MYO3B: variants seen among roughly 807,000 people sequenced by gnomAD.
The protein encoded by MYO3B is myosin-IIIb.
Under a neutral mutation model 174.6 loss-of-function variants are expected in MYO3B, and 156 were observed. That is an observed-to-expected ratio of 0.89 (90% confidence interval 0.78 to 1.02). MYO3B has a LOEUF of 1.02. Ranked by LOEUF, MYO3B falls within the 50% of genes least tolerant of loss-of-function variation. The probability of loss-of-function intolerance (pLI) is 0.00; values close to 1 mark genes in which losing one functional copy is unlikely to be tolerated. For synonymous variants in MYO3B, 563 were observed against 569.1 expected (o/e 0.99, Z 0.15); for missense variants, 1,632 against 1,639.4 (o/e 1.00, Z 0.08).
chr2:170,280,835 G>C (rs2093503032), intron 7 of MYO3B, among the ~76,000 whole-genome samples: 1 of 152,162 alleles, frequency 6.6e-6, no homozygotes, highest in South Asian at 2.1e-4. Context: ...ATTGGTCTGT[G>C]TACCTGTTTT....
intron 4 of MYO3B, 106 bp downstream of exon 4, chr2:170,214,589 A>G: frequency 1.5e-6 from 2 of 1,330,938 alleles, no homozygotes; most frequent in Non-Finnish European, 2.1e-6. Context: ...ATGATATGCA[A>G]GGATTACTAA....
At chr2:170,459,523 C>T (rs1372603428) in intron 23 of MYO3B, among the ~76,000 whole-genome samples, 1 of 152,178 alleles carries the variant, frequency 6.6e-6, no homozygotes, top group Non-Finnish European at 1.5e-5. Flanking sequence ...TTTAACTAGA[C>T]ATAGAAGTTC....
At chr2:170,438,063 C>A (rs1284165082) in intron 22 of MYO3B, among the ~76,000 whole-genome samples, 2 of 152,068 alleles carry the variant, frequency 1.3e-5, no homozygotes, top group Non-Finnish European at 2.9e-5. Flanking sequence ...AACTCAATAC[C>A]CACTGAATAG....
intron 7 of MYO3B, among the ~76,000 whole-genome samples, chr2:170,244,925 A>C (rs568136433): frequency 6.6e-6 from 1 of 152,312 alleles, no homozygotes; most frequent in East Asian, 1.9e-4. Flanking sequence ...TAGCGATGGA[A>C]TCACAGCCCG....
At chr2:170,417,619 G>A (rs1031863629) in intron 22 of MYO3B, among the ~76,000 whole-genome samples, 4 of 152,156 alleles carry the variant, frequency 2.6e-5, no homozygotes, top group South Asian at 2.1e-4. Context: ...CTGAGGGAGC[G>A]TTTGTTCCAG....
intron 7 of MYO3B, among the ~76,000 whole-genome samples, chr2:170,305,386 T>C (rs1430431969): frequency 1.3e-5 from 2 of 152,138 alleles, no homozygotes; most frequent in African/African-American, 2.4e-5. Flanking sequence ...GTCCTCATTT[T>C]CCCCCCAAAA....
At chr2:170,612,047 C>T (rs2105295319) in intron 32 of MYO3B, among the ~76,000 whole-genome samples, 1 of 152,298 alleles carries the variant, frequency 6.6e-6, no homozygotes, top group African/African-American at 2.4e-5. Flanking sequence ...CAGTGGACTG[C>T]CTGGCCACAC....
At chr2:170,417,663 A>T (rs769173428) in intron 22 of MYO3B, among the ~76,000 whole-genome samples, 1 of 152,100 alleles carries the variant, frequency 6.6e-6, no homozygotes, top group Non-Finnish European at 1.5e-5. Context: ...TTTTCTGGCA[A>T]TCGTTGGTGT....
chr2:170,338,055 A>G (rs1319668586), intron 8 of MYO3B: 2 of 152,278 alleles, frequency 1.3e-5, no homozygotes, highest in East Asian at 3.9e-4. Flanking sequence ...CCTCCCTAAG[A>G]TAGTTCCTTA....
chr2:170,271,920 T>TCTACATTTCTACTTAC (rs2093427659), intron 7 of MYO3B, among the ~76,000 whole-genome samples: 1 of 152,130 alleles, frequency 6.6e-6, no homozygotes, highest in Non-Finnish European at 1.5e-5. Context: ...AGTGGCCTAT[T>TCTACATTTCTACTTAC]TGTATTCAGG....
In MYO3B at chr2:170,402,965, T is replaced by C. The variant is rs2094487621; in HGVS notation, c.2247T>C (p.Tyr749=). The change falls in exon 19 of 35, where the codon TAT becomes TAC. Residue 749 remains tyrosine (Y), a synonymous_variant. Coordinates refer to ENST00000408978, the MANE Select transcript of MYO3B (RefSeq NM_138995.5). Reference sequence around the variant, plus strand: ...TCGCCAATGAGCAAATCCAGTACTATTTCAATCAGCATGTTTTTGCTCTTG... The same window carrying C: ...TCGCCAATGAGCAAATCCAGTACTACTTCAATCAGCATGTTTTTGCTCTTG... ...INIANEQIQY[Y]FNQHVFALEQ... 2 of 1,604,992 alleles carry C rather than the reference T, an allele frequency of 1.2e-6. No individual in the cohort carries two copies. The highest frequency in any genetic ancestry group is 2.2e-5 in the South Asian group (2 of 90,192).
chr2:170,390,777 C>T (rs1165971743), intron 14 of MYO3B, among the ~76,000 whole-genome samples: 1 of 152,130 alleles, frequency 6.6e-6, no homozygotes, highest in African/African-American at 2.4e-5. Flanking sequence ...TAAAAAAAAT[C>T]TCCAACCCAT....
intron 25 of MYO3B, among the ~76,000 whole-genome samples, chr2:170,492,014 T>C (rs1184784983): frequency 1.3e-5 from 2 of 151,642 alleles, no homozygotes; most frequent in Admixed American, 1.3e-4. Context: ...GATCTCACCA[T>C]TGTACTTCAG....
intron 7 of MYO3B, among the ~76,000 whole-genome samples, chr2:170,302,544 T>C (rs2093672716): frequency 6.6e-6 from 1 of 152,214 alleles, no homozygotes; most frequent in Admixed American, 6.5e-5. Flanking sequence ...CCCAAACTTC[T>C]TCCTGACTCC....
At chr2:170,224,055 C>G (rs780199375) in intron 6 of MYO3B, among the ~76,000 whole-genome samples, 15 of 152,294 alleles carry the variant, frequency 9.8e-5, no homozygotes, top group Non-Finnish European at 1.9e-4. Context: ...GTTTGACAAG[C>G]AGGGATGGCC....
intron 7 of MYO3B, among the ~76,000 whole-genome samples, chr2:170,250,347 G>A (rs1477104115): frequency 6.6e-6 from 1 of 152,346 alleles, no homozygotes; most frequent in African/African-American, 2.4e-5. Flanking sequence ...TACTGATGAA[G>A]TGTGCAGTCA....
At chr2:170,300,757 A>G (rs2093660310) in intron 7 of MYO3B, among the ~76,000 whole-genome samples, 1 of 152,250 alleles carries the variant, frequency 6.6e-6, no homozygotes, top group Admixed American at 6.5e-5. Flanking sequence ...CATGAAACAG[A>G]CATCAGAGTA....
intron 1 of MYO3B, among the ~76,000 whole-genome samples, chr2:170,180,621 A>T (rs537804579): frequency 6.6e-6 from 1 of 152,284 alleles, no homozygotes; most frequent in African/African-American, 2.4e-5. Context: ...GTAGAATAAC[A>T]TATGCACTAG....
intron 7 of MYO3B, among the ~76,000 whole-genome samples, chr2:170,276,306 T>A (rs187540279): frequency 1.2e-4 from 19 of 152,300 alleles, no homozygotes; most frequent in African/African-American, 4.6e-4. Flanking sequence ...ATTGGTCGTC[T>A]GTTATTTTTA....
Sources: gnomAD v4.1 joint callset for allele counts (sites outside exome capture counted in the v4.1 genomes callset) on GRCh38, gnomAD v4.1.1 for gene constraint, MANE v1.5 for transcripts, NCBI Gene and HGNC (gene_info 2026-07-23, HGNC 2026-07-21) for gene names.